SORCS3: variants seen among roughly 807,000 people sequenced by gnomAD.
The protein encoded by SORCS3 is sortilin related VPS10 domain containing receptor 3, also known as VPS10 domain-containing receptor SorCS3.
Under a neutral mutation model 146.3 loss-of-function variants are expected in SORCS3, and 57 were observed. That is an observed-to-expected ratio of 0.39 (90% CI 0.31 to 0.49). SORCS3 has a LOEUF of 0.49. Ranked by LOEUF, SORCS3 falls within the 20% of genes least tolerant of loss-of-function variation. The pLI is 0.92. For synonymous variants in SORCS3, 653 were observed against 618.5 expected (o/e 1.06, Z -0.83); for missense variants, 1,341 against 1,575.5 (o/e 0.85, Z 2.52).
At chr10:105,067,848 A>G (rs2055531986) in intron 5 of SORCS3, among the ~76,000 whole-genome samples, 1 of 151,392 alleles carries the variant, frequency 6.6e-6, no homozygotes, top group Admixed American at 6.6e-5. Context: ...TTTTCTTTTT[A>G]CCTTCCTGAC....
At chr10:105,048,681 A>G (rs890247110) in intron 5 of SORCS3, among the ~76,000 whole-genome samples, 2 of 152,140 alleles carry the variant, frequency 1.3e-5, no homozygotes, top group African/African-American at 2.4e-5. Flanking sequence ...AACTTAAAGT[A>G]TAATTAAAAA....
At chr10:105,233,619 C>A (rs760109732) in intron 20 of SORCS3, among the ~76,000 whole-genome samples, 49 of 152,060 alleles carry the variant, frequency 3.2e-4, no homozygotes, top group South Asian at 2.1e-4. Context: ...TCCATGTGTT[C>A]TCATTGTTCA....
intron 14 of SORCS3, among the ~76,000 whole-genome samples, chr10:105,180,838 A>T (rs1018700927): frequency 1.3e-5 from 2 of 152,160 alleles, no homozygotes; most frequent in Non-Finnish European, 2.9e-5. Context: ...TTCTGATCTC[A>T]GTTTAAATAT....
At chr10:105,127,076 G>T (rs7083675) in intron 7 of SORCS3, among the ~76,000 whole-genome samples, 11,960 of 152,090 alleles carry the variant, frequency 0.079, 587 homozygotes, top group Middle Eastern at 0.12. Context: ...GTGGAATGGT[G>T]GCCGGTATCC....
chr10:104,890,838 C>G (rs900480043), intron 2 of SORCS3, among the ~76,000 whole-genome samples: 4 of 152,182 alleles, frequency 2.6e-5, no homozygotes, highest in Non-Finnish European at 5.9e-5. Context: ...AAACATTTCT[C>G]CAGATATTGA....
intron 2 of SORCS3, among the ~76,000 whole-genome samples, chr10:104,851,237 C>T (rs2018271119): frequency 1.3e-5 from 2 of 152,050 alleles, no homozygotes; most frequent in Admixed American, 6.6e-5. Context: ...TCTTTTTATG[C>T]CTCTTTTTTC....
At chr10:104,751,338 G>T (rs1300265376) in intron 1 of SORCS3, among the ~76,000 whole-genome samples, 2 of 152,156 alleles carry the variant, frequency 1.3e-5, no homozygotes, top group African/African-American at 2.4e-5. Flanking sequence ...GTCTCAAATG[G>T]CATTACTACA....
intron 2 of SORCS3, among the ~76,000 whole-genome samples, chr10:104,902,415 G>A (rs1015281848): frequency 2.0e-5 from 3 of 152,218 alleles, no homozygotes; most frequent in Non-Finnish European, 2.9e-5. Flanking sequence ...ATGTTGAGGG[G>A]AGTGGGCTGT....
chr10:104,950,309 G>A (rs755563604), intron 3 of SORCS3, among the ~76,000 whole-genome samples: 1 of 152,136 alleles, frequency 6.6e-6, no homozygotes, highest in African/African-American at 2.4e-5. Context: ...TAAGTTTGGG[G>A]GTTAGAAAGG....
chr10:104,681,919 T>A (rs1389686241), intron 1 of SORCS3, among the ~76,000 whole-genome samples: 2 of 152,236 alleles, frequency 1.3e-5, no homozygotes, highest in Non-Finnish European at 2.9e-5. Flanking sequence ...TATTTCTCTT[T>A]TTTTTCCTGC....
chr10:104,839,333 A>G (rs2018110472), intron 1 of SORCS3, among the ~76,000 whole-genome samples: 1 of 152,154 alleles, frequency 6.6e-6, no homozygotes, highest in South Asian at 2.1e-4. Context: ...TAATCCTGGG[A>G]GGCCACCTGA....
rs145431369 is a variant in SORCS3, at chr10:104,971,154, G to A, written c.796-6181G>A. Among the ~76,000 whole-genome samples the A allele has an allele frequency of 9.3e-4, 142 of 152,282 alleles. No individual in the cohort carries two copies. The South Asian group carries it at 0.01, about 11-fold the overall frequency. The stretch of plus-strand genomic sequence containing the variant: ...TTTAAGGATTTTGGAATATAGGAAC[G>A]TTGATTATGCCATGGAATGGTTTTA... On this transcript the variant is annotated intron_variant, in intron 3 of 26. Coordinates refer to ENST00000369701, the MANE Select transcript of SORCS3 (RefSeq NM_014978.3).
intron 1 of SORCS3, among the ~76,000 whole-genome samples, chr10:104,678,316 G>A (rs2015934982): frequency 6.6e-6 from 1 of 152,098 alleles, no homozygotes; most frequent in African/African-American, 2.4e-5. Context: ...AGCTGAGAAA[G>A]CAGCTGTTAA....
At chr10:104,750,733 A>G (rs961472886) in intron 1 of SORCS3, among the ~76,000 whole-genome samples, 106 of 152,348 alleles carry the variant, frequency 7.0e-4, no homozygotes, top group African/African-American at 2.5e-3. Flanking sequence ...AAATCCCAAA[A>G]TTAAACTGCA....
intron 1 of SORCS3, among the ~76,000 whole-genome samples, chr10:104,686,409 C>G (rs2016043867): frequency 6.6e-6 from 1 of 152,108 alleles, no homozygotes; most frequent in South Asian, 2.1e-4. Context: ...ACTGGAGTGA[C>G]TTCAGCTTCC....
intron 8 of SORCS3, among the ~76,000 whole-genome samples, chr10:105,146,465 G>A (rs576183429): frequency 4.2e-4 from 64 of 152,132 alleles, no homozygotes; most frequent in Admixed American, 1.0e-3. Flanking sequence ...GTGGCGGACC[G>A]TAAGAACATA....
At chr10:105,026,615 G>A (rs1030789041) in intron 4 of SORCS3, among the ~76,000 whole-genome samples, 1 of 152,170 alleles carries the variant, frequency 6.6e-6, no homozygotes, top group South Asian at 2.1e-4. Flanking sequence ...AGAAAATGTG[G>A]TACGTATACA....
intron 2 of SORCS3, among the ~76,000 whole-genome samples, chr10:104,882,557 A>G (rs1298892585): frequency 1.3e-5 from 2 of 152,176 alleles, no homozygotes; most frequent in South Asian, 2.1e-4. Context: ...CTACAGAATC[A>G]TTTTACAAGT....
At chr10:104,894,995 G>T (rs2018784928) in intron 2 of SORCS3, among the ~76,000 whole-genome samples, 1 of 152,194 alleles carries the variant, frequency 6.6e-6, no homozygotes, top group African/African-American at 2.4e-5. Context: ...CAGAGGAGCA[G>T]CCATATGCAT....
Sources: allele counts gnomAD v4.1 joint callset (sites outside exome capture counted in the v4.1 genomes callset), GRCh38; gene constraint gnomAD v4.1.1; transcripts MANE v1.5; gene names NCBI Gene and HGNC (gene_info 2026-07-23, HGNC 2026-07-21).